MAGI1: variants seen among roughly 807,000 people sequenced by gnomAD.
MAGI1 encodes membrane-associated guanylate kinase, WW and PDZ domain-containing protein 1.
In MAGI1, 58 loss-of-function variants were observed where a neutral mutation model predicts 139.9. That is an observed-to-expected ratio of 0.41 (90% CI 0.34 to 0.52). The LOEUF is 0.52. Ranked by LOEUF, MAGI1 falls within the 20% of genes least tolerant of loss-of-function variation. The pLI, the probability that MAGI1 is intolerant of heterozygous loss-of-function variation, is 0.12. For missense variants in MAGI1, 1,874 were observed against 1,901.6 expected (o/e 0.99, Z 0.27); for synonymous variants, 812 against 737.9 (o/e 1.10, Z -1.63).
chr3:65,907,714 A>T (rs1489609724), intron 1 of MAGI1: 1 of 152,168 alleles, frequency 6.6e-6, no homozygotes, highest in African/African-American at 2.4e-5. Flanking sequence ...CCTCTAGGTG[A>T]CTTCACAGTA....
intron 1 of MAGI1, among the ~76,000 whole-genome samples, chr3:65,645,328 A>C (rs932391763): frequency 1.5e-4 from 23 of 152,122 alleles, no homozygotes; most frequent in African/African-American, 5.5e-4. Flanking sequence ...TACATAGAAA[A>C]AATAGAGTGA....
intron 3 of MAGI1, among the ~76,000 whole-genome samples, chr3:65,484,737 C>T (rs542045304): frequency 6.6e-6 from 1 of 152,114 alleles, no homozygotes; most frequent in Admixed American, 6.5e-5. Context: ...GCACCCACTC[C>T]TCCCTCTGCT....
intron 1 of MAGI1, among the ~76,000 whole-genome samples, chr3:65,696,034 AAAATCCAATGGCC>A (rs2089152384): frequency 6.6e-6 from 1 of 152,186 alleles, no homozygotes; most frequent in South Asian, 2.1e-4. Flanking sequence ...CACTCAAGAT[AAAATCCAATGGCC>A]AGTCACCGTC....
intron 1 of MAGI1, among the ~76,000 whole-genome samples, chr3:65,974,049 TGAA>T (rs1458315353): frequency 1.3e-5 from 2 of 152,070 alleles, no homozygotes; most frequent in African/African-American, 4.8e-5. Context: ...AGAATTAGCA[TGAA>T]GAATATTAAA....
At chr3:65,637,605 A>T (rs925163912) in intron 1 of MAGI1, among the ~76,000 whole-genome samples, 4 of 147,904 alleles carry the variant, frequency 2.7e-5, no homozygotes, top group Admixed American at 1.4e-4. Flanking sequence ...AGAAAGAAAG[A>T]AAGAAAGAAA....
At chr3:65,840,417 G>A (rs1329845023) in intron 1 of MAGI1, among the ~76,000 whole-genome samples, 1 of 152,136 alleles carries the variant, frequency 6.6e-6, no homozygotes, top group Non-Finnish European at 1.5e-5. Flanking sequence ...ACTCCATATT[G>A]AGTTTAAAGA....
At chr3:65,675,674 C>T (rs2087145062) in intron 1 of MAGI1, among the ~76,000 whole-genome samples, 1 of 152,166 alleles carries the variant, frequency 6.6e-6, no homozygotes, top group African/African-American at 2.4e-5. Flanking sequence ...GTCACAGCGG[C>T]ACATGTACCT....
intron 1 of MAGI1, among the ~76,000 whole-genome samples, chr3:65,943,467 C>A (rs964914021): frequency 1.3e-5 from 2 of 150,878 alleles, no homozygotes; most frequent in East Asian, 4.0e-4. Context: ...CCCGGCTAGT[C>A]GGGAGGCTGA....
chr3:65,615,364 TG>T (rs2083317469), intron 2 of MAGI1, among the ~76,000 whole-genome samples: 1 of 152,186 alleles, frequency 6.6e-6, no homozygotes, highest in Non-Finnish European at 1.5e-5. Context: ...CACGCTTCCC[TG>T]GGATCAGACA....
At position 65,722,538 on chromosome 3, in the gene MAGI1, T is replaced by G. The variant is rs147834387; in HGVS notation, c.314-100450A>C. On this transcript the variant is annotated intron_variant, in intron 1 of 22. Coordinates refer to ENST00000402939, the MANE Select transcript of MAGI1 (RefSeq NM_001033057.2). ...GTCCCAGCTACTTAGGAGGCTGAGATGGGAGGATTGCTTGAGCCCAAGAGC... is the reference window on the plus strand; with the variant it reads ...GTCCCAGCTACTTAGGAGGCTGAGAGGGGAGGATTGCTTGAGCCCAAGAGC... Among the ~76,000 whole-genome samples the G allele has an allele frequency of 2.6e-4, 40 of 151,710 alleles. No individual in the cohort carries two copies. In the East Asian group the frequency reaches 7.4e-3, roughly 28 times the overall value.
At chr3:65,759,371 T>C (rs771684488) in intron 1 of MAGI1, among the ~76,000 whole-genome samples, 6 of 152,192 alleles carry the variant, frequency 3.9e-5, no homozygotes, top group Non-Finnish European at 7.3e-5. Context: ...ATAGAGGAGA[T>C]AATGTTCCTT....
At chr3:65,911,250 T>C (rs942567259) in intron 1 of MAGI1, among the ~76,000 whole-genome samples, 17 of 151,882 alleles carry the variant, frequency 1.1e-4, no homozygotes, top group Non-Finnish European at 1.9e-4. Flanking sequence ...CTTATCTCCA[T>C]AGGCTGGTTT....
chr3:65,503,047 C>A (rs1269121302), intron 2 of MAGI1, among the ~76,000 whole-genome samples: 1 of 152,056 alleles, frequency 6.6e-6, no homozygotes, highest in East Asian at 1.9e-4. Flanking sequence ...TGTCACTAAG[C>A]AACACACACA....
At chr3:65,387,224 T>C (rs749067256) in intron 14 of MAGI1, 2 of 1,612,744 alleles carry the variant, frequency 1.2e-6, no homozygotes, top group East Asian at 2.2e-5. Context: ...GAAGGTGACA[T>C]AGCTGGAATA....
In MAGI1 at chr3:65,642,408, G is replaced by A. The variant is rs1358232610; in HGVS notation, c.314-20320C>T. ...AAACCTTCTATCCGGAAGACTCGAA[G>A]GGAATGAAAAGCCTTTGAGAATTTT... On this transcript the variant is annotated intron_variant, in intron 1 of 22. Coordinates refer to ENST00000402939, the MANE Select transcript of MAGI1 (RefSeq NM_001033057.2). Among the ~76,000 whole-genome samples, 3 of 152,124 alleles carry A rather than the reference G, an allele frequency of 2.0e-5. No individual in the cohort carries two copies. In the East Asian group the frequency reaches 5.8e-4, roughly 29 times the overall value.
At chr3:65,827,355 A>T (rs771929729) in intron 1 of MAGI1, among the ~76,000 whole-genome samples, 8 of 152,218 alleles carry the variant, frequency 5.3e-5, no homozygotes, top group Non-Finnish European at 7.3e-5. Context: ...ACTTCCATTT[A>T]TTAATCACTT....
At chr3:65,582,414 C>T (rs762694832) in intron 2 of MAGI1, among the ~76,000 whole-genome samples, 5 of 152,122 alleles carry the variant, frequency 3.3e-5, no homozygotes, top group Non-Finnish European at 7.4e-5. Flanking sequence ...TCACAGTTAG[C>T]AACAATATGC....
At chr3:65,546,459 C>T (rs1041062526) in intron 2 of MAGI1, among the ~76,000 whole-genome samples, 1 of 152,148 alleles carries the variant, frequency 6.6e-6, no homozygotes, top group Non-Finnish European at 1.5e-5. Context: ...TTGCAGCACC[C>T]TCTTCTTTTA....
chr3:65,600,479 T>C (rs1478036740), intron 2 of MAGI1, among the ~76,000 whole-genome samples: 1 of 152,210 alleles, frequency 6.6e-6, no homozygotes, highest in Admixed American at 6.5e-5. Flanking sequence ...AGGTGTAGTA[T>C]CTTGACACAC....
Sources: gnomAD v4.1 joint callset for allele counts (sites outside exome capture counted in the v4.1 genomes callset) on GRCh38, gnomAD v4.1.1 for gene constraint, MANE v1.5 for transcripts, NCBI Gene and HGNC (gene_info 2026-07-23, HGNC 2026-07-21) for gene names.